The following COL5A3 variants were observed in gnomAD, a reference collection of about 807,000 sequenced individuals.
COL5A3 encodes the protein collagen alpha-3(V) chain.
A neutral mutation model predicts 250.0 loss-of-function variants in COL5A3; 172 were observed. The observed-to-expected ratio is 0.69, with a 90% CI of 0.61 to 0.78. The LOEUF is 0.78. Among genes scored for constraint, COL5A3 ranks in the 30% least tolerant of loss-of-function variants. COL5A3 has a pLI of 0.00. For synonymous variants in COL5A3, 937 were observed against 900.4 expected (o/e 1.04, Z -0.73); for missense variants, 2,340 against 2,334.4 (o/e 1.00, Z -0.05).
chr19:9,986,971 A>C (rs1472529480), intron 27 of COL5A3, among the ~76,000 whole-genome samples: 2 of 152,086 alleles, frequency 1.3e-5, no homozygotes, highest in Non-Finnish European at 2.9e-5. Flanking sequence ...TGTGCAGGGA[A>C]GGCCAAATTT....
At chr19:9,988,746 G>A (rs8107569) in intron 27 of COL5A3, among the ~76,000 whole-genome samples, 1 of 147,674 alleles carries the variant, frequency 6.8e-6, no homozygotes, top group Non-Finnish European at 1.5e-5. Flanking sequence ...CAGTAGAATC[G>A]CTTGAATCCG....
Position 9,980,634 on chromosome 19 carries a change from A to G in COL5A3, c.2604+14T>C. 6.2e-7 allele frequency: 1 copy of G among 1,612,758 alleles called. No homozygotes were observed. Among genetic ancestry groups the G allele is most frequent in the Non-Finnish European group, 8.5e-7 (1 of 1,179,402 alleles). On this transcript the variant is annotated intron_variant, in intron 35 of 66. Transcript: ENST00000264828. ...CACACACATTCACACACACACACAC[A>G]CACACACACTCACCTTTTCTCCAGG...
chr19:9,996,958 C>CAA (rs1555740570), intron 11 of COL5A3: 5,557 of 533,192 alleles, frequency 0.01, 197 homozygotes, highest in East Asian at 0.07. Flanking sequence ...GAGACAGAAA[C>CAA]AGAGAGACAG....
At position 9,968,837 on chromosome 19, in the gene COL5A3, T is replaced by C; in HGVS notation, c.4153-109A>G. 1 of 978,602 alleles carries C rather than the reference T, an allele frequency of 1.0e-6. No individual in the cohort carries two copies. The highest frequency in any genetic ancestry group is 1.6e-6 in the Non-Finnish European group (1 of 640,246). 60.6% of individuals were successfully genotyped at this position (978,602 alleles called of 1,614,324 possible). ...AAATTATGCAGATTTCAAATGGGAATTACCAGGGATGAGGTCAAGGGATGG... is the reference window on the plus strand; with the variant it reads ...AAATTATGCAGATTTCAAATGGGAACTACCAGGGATGAGGTCAAGGGATGG... On this transcript the variant is annotated intron_variant, in intron 57 of 66. Coordinates refer to ENST00000264828, the MANE Select transcript of COL5A3 (RefSeq NM_015719.4). This position sits in a 1 kb window ranked among gnomAD's most constrained non-coding sequence, Gnocchi z 4.1.
intron 25 of COL5A3, 44 bp downstream of exon 25, chr19:9,989,425 G>C (rs781518672): frequency 6.2e-6 from 10 of 1,613,638 alleles, no homozygotes; most frequent in South Asian, 2.2e-5. Flanking sequence ...AATTCCCAAG[G>C]CTCCCCTTTC....
chr19:9,999,468 T>TC (rs2087325223), intron 8 of COL5A3, among the ~76,000 whole-genome samples: 1 of 123,750 alleles, frequency 8.1e-6, no homozygotes, highest in Non-Finnish European at 1.6e-5. Context: ...TTTTCTTTTT[T>TC]CTTTTTTTTT....
At chr19:10,001,368 A>G (rs1441977388) in intron 8 of COL5A3, among the ~76,000 whole-genome samples, 156 bp downstream of exon 8, 1 of 152,132 alleles carries the variant, frequency 6.6e-6, no homozygotes, top group Non-Finnish European at 1.5e-5. Context: ...GCTAGTCTCA[A>G]TCTCCTGACC....
At chr19:9,993,528 G>A in intron 18 of COL5A3, 91 bp downstream of exon 18, 1 of 1,575,860 alleles carries the variant, frequency 6.3e-7, no homozygotes, top group South Asian at 1.1e-5. Context: ...AGGGACACAG[G>A]GATCATGACT....
At chr19:10,001,968 C>T (rs1159521552) in intron 6 of COL5A3, 87 bp from the exon 7 acceptor site, 3 of 907,770 alleles carry the variant, frequency 3.3e-6, no homozygotes, top group Non-Finnish European at 5.2e-6. Context: ...CCCAGGAGCT[C>T]CCAGTCCGGG....
chr19:9,989,201 C>A, intron 26 of COL5A3, 24 bp from the exon 27 acceptor site: 3 of 1,613,912 alleles, frequency 1.9e-6, no homozygotes, highest in Non-Finnish European at 2.5e-6. Context: ...AAGGTCAGTG[C>A]CATTCTAGAC....
At chr19:9,985,820 C>T (rs772786732) in intron 31 of COL5A3, 22 bp downstream of exon 31, 11 of 1,600,324 alleles carry the variant, frequency 6.9e-6, no homozygotes, top group African/African-American at 2.7e-5. Flanking sequence ...TCCATCTCCA[C>T]CCCCCACCCC....
chr19:9,971,134 G>C (rs1318920326), intron 52 of COL5A3, 71 bp downstream of exon 52: 18 of 1,409,290 alleles, frequency 1.3e-5, no homozygotes, highest in Non-Finnish European at 1.7e-5. Flanking sequence ...TCAGTGCCCA[G>C]GTCTGTGGGG....
chr19:9,969,647 C>G lies in COL5A3; in HGVS notation c.4026G>C (p.Thr1342=). The stretch of plus-strand genomic sequence containing the variant: ...GGGGCCCTCTAGCCCCCATTGGACC[C>G]GTCCTCCCTGGGGGCCCATCAGGAC... ...EPGPDGPPGR[T]GPMGARGPPG... Residue 1342 remains threonine, a synonymous_variant, in exon 56 of 67, where the codon ACG becomes ACC. Coordinates refer to ENST00000264828, the MANE Select transcript of COL5A3 (RefSeq NM_015719.4). 6.3e-7 allele frequency: 1 copy of G among 1,589,020 alleles called. No individual in the cohort carries two copies. The highest frequency in any genetic ancestry group is 2.0e-5 in the Admixed American group (1 of 51,088).
chr19:9,986,497 C>T lies in COL5A3; in HGVS notation c.2244+56G>A, dbSNP rs1299819856. The T allele has an allele frequency of 5.7e-6, 9 of 1,576,010 alleles. No individual in the cohort carries two copies. The African/African-American group carries it at 1.3e-4, about 23-fold the overall frequency. Reference sequence around the variant, plus strand: ...CTGTCTAGCCCCAGCTCATCCCCTCCCTATCTTCCCCGAGCCCCCAGACCC... The same window carrying T: ...CTGTCTAGCCCCAGCTCATCCCCTCTCTATCTTCCCCGAGCCCCCAGACCC... On this transcript the variant is annotated intron_variant, in intron 29 of 66. Coordinates refer to ENST00000264828, the MANE Select transcript of COL5A3 (RefSeq NM_015719.4).
chr19:9,974,867 G>GTTTGTTTGTTTGTT (rs1224533440), intron 45 of COL5A3, among the ~76,000 whole-genome samples: 5 of 151,594 alleles, frequency 3.3e-5, no homozygotes, highest in Non-Finnish European at 2.9e-5. Context: ...TAAGGCTTTT[G>GTTTGTTTGTTTGTT]TTTGTTTGTT....
In COL5A3 at chr19:9,998,133, C is replaced by T; in HGVS notation, c.1127G>A (p.Gly376Glu). The T allele has an allele frequency of 6.2e-7, 1 of 1,613,772 alleles. No homozygotes were observed. The highest frequency in any genetic ancestry group is 8.5e-7 in the Non-Finnish European group (1 of 1,179,914). The change falls in exon 9 of 67, where the codon GGA becomes GAA. Residue 376 changes from glycine (G) to glutamate (E), a missense_variant. By Grantham distance (98) the Gly-to-Glu change is moderately conservative. Coordinates refer to ENST00000264828, the MANE Select transcript of COL5A3 (RefSeq NM_015719.4). The part of the protein sequence containing the change: ...FQIFPGAGEK[G>E]AKGEPAVIEK... ...AATCACTGCGGGCTCTCCTTTTGCT[C>T]CTTTCTCTCCAGCACCCTGGGGTGG...
chr19:9,962,882 T>C lies in COL5A3; in HGVS notation c.4788A>G (p.Lys1596=), dbSNP rs2086691892. 1 of 1,608,824 alleles carries C rather than the reference T, an allele frequency of 6.2e-7. No homozygotes were observed. Among genetic ancestry groups the C allele is most frequent in the African/African-American group, 1.3e-5 (1 of 74,834 alleles). Residue 1596 remains lysine (K), a synonymous_variant, in exon 65 of 67, where the codon AAA becomes AAG. Transcript: ENST00000264828. ...GCTTTTCCTTGGACCAGGAGGCCAATTTCACCTGGAAGAGAAAAGGGAGGG... is the reference window on the plus strand; with the variant it reads ...GCTTTTCCTTGGACCAGGAGGCCAACTTCACCTGGAAGAGAAAAGGGAGGG... The part of the protein sequence containing the change: ...LYPDKKFEIV[K]LASWSKEKPG...
At chr19:9,969,808 G>T in intron 55 of COL5A3, 61 bp downstream of exon 55, 2 of 1,597,708 alleles carry the variant, frequency 1.3e-6, no homozygotes, top group Admixed American at 1.7e-5. Context: ...ACCCTCTCCT[G>T]ATGGCCCCAC....
chr19:9,970,213 GGGT>G, intron 54 of COL5A3, among the ~76,000 whole-genome samples: 1 of 48,696 alleles, frequency 2.1e-5, no homozygotes. Context: ...TGGGGGCTGT[GGGT>G]GAGTGGGGGC....
Sources: gnomAD v4.1 joint callset for allele counts (sites outside exome capture counted in the v4.1 genomes callset) on GRCh38, gnomAD v4.1.1 for gene constraint, Gnocchi (gnomAD v3.1) non-coding constraint, MANE v1.5 for transcripts, NCBI Gene and HGNC (gene_info 2026-07-23, HGNC 2026-07-21) for gene names.